GABRA1: variants seen among roughly 807,000 people sequenced by gnomAD.
The protein encoded by GABRA1 is gamma-aminobutyric acid receptor subunit alpha-1.
A neutral mutation model predicts 48.9 loss-of-function variants in GABRA1; 9 were observed. The observed-to-expected ratio is 0.18, with a 90% confidence interval of 0.11 to 0.32. GABRA1 has a LOEUF of 0.32. GABRA1 is among the 10% of genes least tolerant of loss of function. The pLI is 1.00. For synonymous variants in GABRA1, 210 were observed against 198.7 expected (o/e 1.06, Z -0.48); for missense variants, 285 against 553.8 (o/e 0.51, Z 4.87).
intron 6 of GABRA1, among the ~76,000 whole-genome samples, chr5:161,880,442 C>T (rs1370971122): frequency 6.6e-6 from 1 of 152,154 alleles, no homozygotes; most frequent in Non-Finnish European, 1.5e-5. Context: ...TTTTACATCC[C>T]TCCTAATAGA....
At chr5:161,850,309 A>G in intron 1 of GABRA1, 1 of 265,562 alleles carries the variant, frequency 3.8e-6, no homozygotes, top group South Asian at 1.6e-4. Flanking sequence ...TGCAGAATTC[A>G]AAGAGGAATT....
Position 161,893,010 on chromosome 5 carries a change from A to T in GABRA1, c.856+1960A>T, listed in dbSNP as rs1256649137. ...ACAGAGCGAGACTCCTTCTCAAAAA[A>T]ATAATAATAATAATAATAATAATAA... On this transcript the variant is annotated intron_variant, in intron 8 of 9. Coordinates refer to ENST00000393943, the MANE Select transcript of GABRA1 (RefSeq NM_001127644.2). Among the ~76,000 whole-genome samples the T allele has an allele frequency of 4.0e-5, 2 of 50,438 alleles. 1 individual carries two copies. Among genetic ancestry groups the T allele is most frequent in the African/African-American group, 2.4e-4 (2 of 8,308 alleles). 33.1% of individuals were successfully genotyped at this position (50,438 alleles called of 152,430 possible).
At chr5:161,894,249 C>G (rs939470971) in intron 8 of GABRA1, among the ~76,000 whole-genome samples, 1 of 152,032 alleles carries the variant, frequency 6.6e-6, no homozygotes, top group Admixed American at 6.6e-5. Flanking sequence ...CCCAGAAGCT[C>G]GTGATTTTAA....
Position 161,857,865 on chromosome 5 carries a change from C to G in GABRA1, c.187+3595C>G, listed in dbSNP as rs74407317. Among the ~76,000 whole-genome samples, 941 of 151,072 alleles carry G rather than the reference C, an allele frequency of 6.2e-3. 12 individuals are homozygous for G. The highest frequency in any genetic ancestry group is 0.022 in the African/African-American group (897 of 41,290). On this transcript the variant is annotated intron_variant, in intron 3 of 9. Coordinates refer to ENST00000393943, the MANE Select transcript of GABRA1 (RefSeq NM_001127644.2). Reference sequence around the variant, plus strand: ...GGTGTGGGGGGCTGCTACTTTCTTACAACTAGAAGCTGAGCAATGTATTTG... The same window carrying G: ...GGTGTGGGGGGCTGCTACTTTCTTAGAACTAGAAGCTGAGCAATGTATTTG...
rs776990488 is a variant in GABRA1 at position 161,895,622 on chromosome 5, A to G, written c.857-44A>G. 40 of 1,533,732 alleles carry G rather than the reference A, an allele frequency of 2.6e-5. 1 individual carries two copies. The highest frequency in any genetic ancestry group is 2.3e-4 in the East Asian group (10 of 44,194). On this transcript the variant is annotated intron_variant, in intron 8 of 9. Coordinates refer to ENST00000393943, the MANE Select transcript of GABRA1 (RefSeq NM_001127644.2). ...GGCTGTCCCATCATGATGAAATTTC[A>G]CAGTATGAACTGGCATCATGTATGT...
chr5:161,894,785 T>A (rs1440434401), intron 8 of GABRA1, among the ~76,000 whole-genome samples: 4 of 152,152 alleles, frequency 2.6e-5, no homozygotes, highest in Non-Finnish European at 5.9e-5. Flanking sequence ...ATCATCTTTC[T>A]CATACTAACA....
At chr5:161,883,890 T>TAA in intron 7 of GABRA1, among the ~76,000 whole-genome samples, 1 of 151,806 alleles carries the variant, frequency 6.6e-6, no homozygotes, top group East Asian at 1.9e-4. Context: ...ATTTTTTTTT[T>TAA]AAAAAATGGA....
chr5:161,875,703 A>C lies in GABRA1; in HGVS notation c.559+61A>C. The C allele has an allele frequency of 3.2e-6, 4 of 1,246,924 alleles. No individual in the cohort carries two copies. In the South Asian group the frequency reaches 4.8e-5, roughly 15 times the overall value. 77.2% of individuals were successfully genotyped at this position (1,246,924 alleles called of 1,614,324 possible). A position where few individuals can be genotyped will look rare whatever the true frequency, so the allele number is the denominator to read the frequency against. On this transcript the variant is annotated intron_variant, in intron 6 of 9. Coordinates refer to ENST00000393943, the MANE Select transcript of GABRA1 (RefSeq NM_001127644.2). Reference sequence around the variant, plus strand: ...GTCATTAAGCAAGAGATCTCTAGCTATATCTGTGAGAAAAACGCGTAGATA... The same window carrying C: ...GTCATTAAGCAAGAGATCTCTAGCTCTATCTGTGAGAAAAACGCGTAGATA...
intron 3 of GABRA1, among the ~76,000 whole-genome samples, chr5:161,858,439 A>C (rs894090781): frequency 2.6e-5 from 4 of 151,676 alleles, no homozygotes; most frequent in African/African-American, 9.7e-5. Flanking sequence ...TGGATACTTA[A>C]TACTCTTCCA....
At chr5:161,876,303 A>G (rs1267636525) in intron 6 of GABRA1, among the ~76,000 whole-genome samples, 1 of 152,058 alleles carries the variant, frequency 6.6e-6, no homozygotes, top group Non-Finnish European at 1.5e-5. Flanking sequence ...CCAAGAGAAA[A>G]ATGACTGTGA....
chr5:161,895,971 A>C, intron 9 of GABRA1, 103 bp downstream of exon 9: 1 of 967,346 alleles, frequency 1.0e-6, no homozygotes, highest in East Asian at 2.4e-5. Context: ...ATGCAGAATA[A>C]TAAGGATTCT....
chr5:161,889,533 C>T (rs934551710), intron 7 of GABRA1, among the ~76,000 whole-genome samples: 1 of 152,030 alleles, frequency 6.6e-6, no homozygotes, highest in Non-Finnish European at 1.5e-5. Context: ...CTGGAACCAA[C>T]CTATAGATGA....
chr5:161,850,962 C>T, intron 2 of GABRA1, 78 bp downstream of exon 2: 1 of 1,241,122 alleles, frequency 8.1e-7, no homozygotes, highest in Admixed American at 1.7e-5. Context: ...GAAAATTGTC[C>T]TCAAATGAAT....
intron 8 of GABRA1, among the ~76,000 whole-genome samples, chr5:161,893,106 C>T (rs1755195248): frequency 6.6e-6 from 1 of 151,102 alleles, no homozygotes; most frequent in South Asian, 2.1e-4. Context: ...GAGTACAACA[C>T]TATATTGGAA....
intron 4 of GABRA1, among the ~76,000 whole-genome samples, chr5:161,866,119 T>G (rs1473123029): frequency 6.6e-6 from 1 of 152,038 alleles, no homozygotes; most frequent in Non-Finnish European, 1.5e-5. Context: ...GCCATGTTGA[T>G]TCAAGGATGC....
intron 3 of GABRA1, among the ~76,000 whole-genome samples, chr5:161,860,373 C>A (rs531231478): frequency 1.3e-5 from 2 of 151,664 alleles, no homozygotes; most frequent in Non-Finnish European, 2.9e-5. Context: ...AGCATAATCA[C>A]CTCCAGTTGC....
intron 7 of GABRA1, among the ~76,000 whole-genome samples, chr5:161,889,617 G>T (rs1013033866): frequency 1.3e-5 from 2 of 152,066 alleles, no homozygotes; most frequent in Admixed American, 1.3e-4. Flanking sequence ...TATTCGAAGA[G>T]ACAAGAGAAT....
At chr5:161,886,299 T>G (rs1000278989) in intron 7 of GABRA1, among the ~76,000 whole-genome samples, 1 of 152,032 alleles carries the variant, frequency 6.6e-6, no homozygotes, top group Non-Finnish European at 1.5e-5. Flanking sequence ...AATGCTGGTT[T>G]TGCAACTTAT....
At chr5:161,869,649 A>G (rs1754023308) in intron 4 of GABRA1, among the ~76,000 whole-genome samples, 1 of 152,210 alleles carries the variant, frequency 6.6e-6, no homozygotes, top group Non-Finnish European at 1.5e-5. Context: ...TGGCACAGGC[A>G]GGAACACTTC....
Sources: allele counts gnomAD v4.1 joint callset (sites outside exome capture counted in the v4.1 genomes callset), GRCh38; gene constraint gnomAD v4.1.1; transcripts MANE v1.5; gene names NCBI Gene and HGNC (gene_info 2026-07-23, HGNC 2026-07-21).